Variants in ULK4 observed in about 807,000 individuals in gnomAD.
ULK4 encodes inactive serine/threonine-protein kinase ULK4.
A neutral mutation model predicts 160.6 loss-of-function variants in ULK4; 133 were observed. That is an observed-to-expected ratio of 0.83 (90% CI 0.72 to 0.96). ULK4 has a LOEUF of 0.96. Ranked by LOEUF, ULK4 falls within the 40% of genes least tolerant of loss-of-function variation. The pLI is 0.00. For missense variants in ULK4, 1,580 were observed against 1,499.5 expected, an observed-to-expected ratio of 1.05 and a Z score of -0.89; for synonymous variants, 534 against 539.8, an observed-to-expected ratio of 0.99 and a Z score of 0.15.
chr3:41,649,459 C>G (rs1042109829), intron 30 of ULK4, among the ~76,000 whole-genome samples: 1 of 152,122 alleles, frequency 6.6e-6, no homozygotes, highest in Non-Finnish European at 1.5e-5. Context: ...CTGGAAAGCC[C>G]CTGTACCCCC....
At chr3:41,643,509 C>T (rs191465640) in intron 30 of ULK4, among the ~76,000 whole-genome samples, 14 of 152,186 alleles carry the variant, frequency 9.2e-5, no homozygotes, top group South Asian at 2.1e-4. Context: ...TGAAGATATG[C>T]GGCATTATTT....
At position 41,318,328 on chromosome 3, in the gene ULK4, G is replaced by A. The variant is rs115883969; in HGVS notation, c.3679-68754C>T. Among the ~76,000 whole-genome samples, 470 of 152,126 alleles carry A rather than the reference G, an allele frequency of 3.1e-3. 1 individual carries two copies. Among genetic ancestry groups the A allele is most frequent in the African/African-American group, 0.011 (437 of 41,498 alleles). On this transcript the variant is annotated intron_variant, in intron 35 of 36. Transcript: ENST00000301831. ...ATTTTAACTTTAAGAAGTCCACATT[G>A]GTTTGAACTGGGTTGTTAGGTTTGT...
At chr3:41,555,822 C>T (rs2087272511) in intron 32 of ULK4, among the ~76,000 whole-genome samples, 1 of 152,150 alleles carries the variant, frequency 6.6e-6, no homozygotes, top group South Asian at 2.1e-4. Context: ...TCATGGAATG[C>T]TATGCAGTCA....
intron 30 of ULK4, among the ~76,000 whole-genome samples, chr3:41,644,673 G>A (rs1449856634): frequency 7.9e-5 from 12 of 150,978 alleles, no homozygotes; most frequent in African/African-American, 2.9e-4. Context: ...TTGTGTCTCT[G>A]CCCGGCTTTG....
intron 3 of ULK4, 21 bp downstream of exon 3, chr3:41,938,076 CT>C: frequency 6.4e-7 from 1 of 1,560,508 alleles, no homozygotes; most frequent in Non-Finnish European, 8.7e-7. Context: ...ATTCATAGCA[CT>C]TTTTACATAC....
chr3:41,862,221 A>G (rs767509316), intron 17 of ULK4, among the ~76,000 whole-genome samples: 2 of 145,444 alleles, frequency 1.4e-5, no homozygotes, highest in Non-Finnish European at 2.9e-5. Context: ...TTTCAGCTTC[A>G]GAATTTCTGC....
At chr3:41,283,587 T>G (rs752274170) in intron 35 of ULK4, among the ~76,000 whole-genome samples, 3 of 152,030 alleles carry the variant, frequency 2.0e-5, no homozygotes, top group Non-Finnish European at 2.9e-5. Context: ...TAGGTGGGAA[T>G]TGAACAATGA....
At chr3:41,474,173 T>C (rs190039310) in intron 32 of ULK4, among the ~76,000 whole-genome samples, 127 of 152,178 alleles carry the variant, frequency 8.3e-4, no homozygotes, top group African/African-American at 2.9e-3. Flanking sequence ...CATTGACCAG[T>C]AGAAAAGAAT....
At chr3:41,759,599 C>T (rs2038920647) in intron 21 of ULK4, among the ~76,000 whole-genome samples, 1 of 152,030 alleles carries the variant, frequency 6.6e-6, no homozygotes, top group Admixed American at 6.6e-5. Flanking sequence ...AATCAAAATC[C>T]CAACAGGGCA....
Position 41,659,305 on chromosome 3 carries a change from C to A in ULK4, c.3071+4302G>T, listed in dbSNP as rs558342155. ...TGCACTATTCATGACAGCAAAAATA[C>A]GGAACCCAGACTTTGTTAAAAGTAA... On this transcript the variant is annotated intron_variant, in intron 30 of 36. Coordinates refer to ENST00000301831, the MANE Select transcript of ULK4 (RefSeq NM_017886.4). Among the ~76,000 whole-genome samples, 4 of 152,190 alleles carry A rather than the reference C, an allele frequency of 2.6e-5. No homozygotes were observed. In the South Asian group the frequency reaches 8.3e-4, roughly 32 times the overall value.
chr3:41,420,832 G>A (rs900027287), intron 34 of ULK4, among the ~76,000 whole-genome samples: 4 of 148,342 alleles, frequency 2.7e-5, no homozygotes, highest in East Asian at 2.0e-4. Context: ...AAAAAAAGCC[G>A]GCCAGACGCG....
intron 32 of ULK4, among the ~76,000 whole-genome samples, chr3:41,555,548 A>C (rs2087259643): frequency 6.6e-6 from 1 of 152,186 alleles, no homozygotes; most frequent in Non-Finnish European, 1.5e-5. Context: ...TGTGGAGAAA[A>C]AGGAGCACTT....
In ULK4 at chr3:41,327,741, G is replaced by A. The variant is rs117730394; in HGVS notation, c.3678+70338C>T. On this transcript the variant is annotated intron_variant, in intron 35 of 36. Coordinates refer to ENST00000301831, the MANE Select transcript of ULK4 (RefSeq NM_017886.4). ...GGATGATAAGTTGTATTTATGCGGC[G>A]CCATCCTGCCCCAGCAACCCAAACT... Among the ~76,000 whole-genome samples, 1,393 of 152,180 alleles carry A rather than the reference G, an allele frequency of 9.2e-3. 66 individuals carry two copies. The highest frequency in any genetic ancestry group is 0.072 in the Admixed American group (1,098 of 15,280).
chr3:41,903,991 T>TA (rs35070842), intron 12 of ULK4, among the ~76,000 whole-genome samples: 214 of 135,548 alleles, frequency 1.6e-3, no homozygotes, highest in Middle Eastern at 0.016. Context: ...AAAAGGCTCT[T>TA]AAAAAAAAAA....
intron 34 of ULK4, among the ~76,000 whole-genome samples, chr3:41,441,465 C>A (rs1019705737): frequency 2.0e-5 from 3 of 151,826 alleles, no homozygotes; most frequent in Non-Finnish European, 2.9e-5. Context: ...TTTAAATTGG[C>A]TTTTAATTCC....
chr3:41,850,431 C>G (rs56699021), intron 17 of ULK4, among the ~76,000 whole-genome samples: 29,464 of 149,038 alleles, frequency 0.2, 2,959 homozygotes, highest in Middle Eastern at 0.31. Context: ...CCCACCAACA[C>G]TGTAAAAGTG....
chr3:41,835,085 A>G (rs914851654), intron 18 of ULK4, among the ~76,000 whole-genome samples: 2 of 152,122 alleles, frequency 1.3e-5, no homozygotes, highest in African/African-American at 2.4e-5. Context: ...GTTCTCCTCA[A>G]ATTAGTCCCA....
intron 20 of ULK4, among the ~76,000 whole-genome samples, 166 bp from the exon 21 acceptor site, chr3:41,790,009 A>G (rs936415077): frequency 6.6e-6 from 1 of 152,264 alleles, no homozygotes; most frequent in Non-Finnish European, 1.5e-5. Context: ...ACTTAAAAAT[A>G]AAACAATCTG....
At chr3:41,428,646 C>T (rs2082831997) in intron 34 of ULK4, among the ~76,000 whole-genome samples, 1 of 152,046 alleles carries the variant, frequency 6.6e-6, no homozygotes, top group East Asian at 1.9e-4. Flanking sequence ...CTTTGACAAA[C>T]CTGACAAAAA....
Sources: allele counts gnomAD v4.1 joint callset (sites outside exome capture counted in the v4.1 genomes callset), GRCh38; gene constraint gnomAD v4.1.1; transcripts MANE v1.5; gene names NCBI Gene and HGNC (gene_info 2026-07-23, HGNC 2026-07-21).